The following PTPRD variants were observed in gnomAD, a reference collection of about 807,000 sequenced individuals.
The protein encoded by PTPRD is protein tyrosine phosphatase receptor type D.
A neutral mutation model predicts 214.5 loss-of-function variants in PTPRD; 34 were observed. The ratio of observed to expected loss-of-function variants is 0.16; its 90% CI spans 0.12 to 0.21. The LOEUF (loss-of-function observed/expected upper bound fraction) is 0.21, where lower values mean the gene tolerates loss of function less well. Ranked by LOEUF, PTPRD falls within the 10% of genes least tolerant of loss-of-function variation. The pLI is 1.00. For synonymous variants in PTPRD, 1,128 were observed against 845.7 expected, an observed-to-expected ratio of 1.33 and a Z score of -5.79; for missense variants, 2,545 against 2,398.7, an observed-to-expected ratio of 1.06 and a Z score of -1.27.
chr9:8,581,402 G>C (rs9299067), intron 14 of PTPRD, among the ~76,000 whole-genome samples: 7,831 of 152,228 alleles, frequency 0.051, 679 homozygotes, highest in African/African-American at 0.18. Context: ...CTTCCAGTGA[G>C]TCTGATCACA....
chr9:8,452,947 A>C (rs1204742430), intron 33 of PTPRD, among the ~76,000 whole-genome samples: 2 of 152,234 alleles, frequency 1.3e-5, no homozygotes, highest in Non-Finnish European at 2.9e-5. Context: ...TATTAGAAAT[A>C]TCTACCATCA....
intron 14 of PTPRD, among the ~76,000 whole-genome samples, chr9:8,626,895 A>G (rs1315300558): frequency 6.6e-6 from 1 of 151,710 alleles, no homozygotes. Flanking sequence ...TGTTAAAATA[A>G]GGCTCTTCCT....
At chr9:10,485,494 A>G (rs1294461793) in intron 2 of PTPRD, among the ~76,000 whole-genome samples, 1 of 152,128 alleles carries the variant, frequency 6.6e-6, no homozygotes, top group Non-Finnish European at 1.5e-5. Context: ...ATCCATGAAC[A>G]TGGAGTATCT....
chr9:8,429,375 G>T (rs2132067200), intron 35 of PTPRD, among the ~76,000 whole-genome samples: 1 of 152,232 alleles, frequency 6.6e-6, no homozygotes, highest in East Asian at 1.9e-4. Context: ...ATGGGAGAGT[G>T]AAACCACATG....
intron 14 of PTPRD, among the ~76,000 whole-genome samples, chr9:8,550,269 T>G (rs1384094432): frequency 6.6e-6 from 1 of 152,166 alleles, no homozygotes; most frequent in African/African-American, 2.4e-5. Flanking sequence ...ATACCTTACA[T>G]GTATATGGTA....
chr9:9,535,463 A>G (rs897736360), intron 8 of PTPRD, among the ~76,000 whole-genome samples: 19 of 152,240 alleles, frequency 1.2e-4, no homozygotes, highest in African/African-American at 4.3e-4. Context: ...TGAAAAAACA[A>G]ATGTCCAGTG....
intron 7 of PTPRD, among the ~76,000 whole-genome samples, chr9:9,714,790 A>G (rs910673772): frequency 5.9e-5 from 9 of 152,284 alleles, no homozygotes; most frequent in Admixed American, 1.3e-4. Context: ...CAAGGCAGCA[A>G]TGTTCCTTCT....
intron 39 of PTPRD, among the ~76,000 whole-genome samples, chr9:8,375,144 T>C (rs2082835993): frequency 1.3e-5 from 2 of 151,982 alleles, no homozygotes; most frequent in African/African-American, 2.4e-5. Context: ...GCACTATACA[T>C]TTATATAGTA....
chr9:9,035,344 A>G (rs2099618160), intron 10 of PTPRD, among the ~76,000 whole-genome samples: 1 of 152,046 alleles, frequency 6.6e-6, no homozygotes, highest in Non-Finnish European at 1.5e-5. Context: ...TTTGAAATGT[A>G]TCTTTCTAGA....
intron 2 of PTPRD, among the ~76,000 whole-genome samples, chr9:10,415,233 T>C (rs2098475996): frequency 6.6e-6 from 1 of 151,828 alleles, no homozygotes; most frequent in Admixed American, 6.6e-5. Context: ...TGAGATTATA[T>C]ACATAATATA....
chr9:8,863,071 AT>A (rs201005073), intron 11 of PTPRD, among the ~76,000 whole-genome samples: 6,330 of 152,230 alleles, frequency 0.042, 319 homozygotes, highest in African/African-American at 0.11. Context: ...TATAATAATA[AT>A]AAAAAAAAGA....
In PTPRD at chr9:9,606,421, T is replaced by C. The variant is rs138375313; in HGVS notation, c.-286-31640A>G. ...TAAAATCTGGTGTTTTTTTGTTAAC[T>C]ATAATTAGCTTTCAGGTATTTACTC... is the stretch of plus-strand genomic sequence containing the variant. On this transcript the variant is annotated intron_variant, in intron 7 of 45. Transcript: ENST00000381196. 1.6e-4 allele frequency among the ~76,000 whole-genome samples: 24 copies of C among 152,230 alleles called. No individual in the cohort carries two copies. In the East Asian group the frequency reaches 3.9e-3, roughly 25 times the overall value.
At chr9:8,607,236 T>C (rs779308407) in intron 14 of PTPRD, among the ~76,000 whole-genome samples, 46 of 152,250 alleles carry the variant, frequency 3.0e-4, no homozygotes, top group Non-Finnish European at 6.2e-4. Flanking sequence ...TAGCTAGGTT[T>C]AGTCATTCCA....
intron 14 of PTPRD, among the ~76,000 whole-genome samples, chr9:8,542,137 T>C (rs1454985230): frequency 6.6e-6 from 1 of 152,126 alleles, no homozygotes; most frequent in African/African-American, 2.4e-5. Context: ...CATAAAGGAT[T>C]GCGATCTTTT....
chr9:9,216,467 C>A (rs1410550065), intron 9 of PTPRD, among the ~76,000 whole-genome samples: 3 of 152,244 alleles, frequency 2.0e-5, no homozygotes, highest in South Asian at 2.1e-4. Context: ...GTTGAGCCAC[C>A]CTTCTATATG....
chr9:9,980,400 G>A lies in PTPRD; in HGVS notation c.-471-41790C>T, dbSNP rs533429846. On this transcript the variant is annotated intron_variant, in intron 4 of 45. Coordinates refer to ENST00000381196, the MANE Select transcript of PTPRD (RefSeq NM_002839.4). ...AGGTGGGCGGATCACCTGAGGTCAG[G>A]AGTTCAAGACCATCCTGGCCAACTT... Among the ~76,000 whole-genome samples, 16 of 151,848 alleles carry A rather than the reference G, an allele frequency of 1.1e-4. No individual in the cohort carries two copies. The South Asian group carries it at 3.3e-3, about 32-fold the overall frequency.
rs866676227 is a variant in PTPRD at position 9,933,543 on chromosome 9, A to G, written c.-368+4964T>C. Reference sequence around the variant, plus strand: ...GAAGAGCTAACTATCCTAAATATATATACACCCAACACAGGAGCACCCAGA... The same window carrying G: ...GAAGAGCTAACTATCCTAAATATATGTACACCCAACACAGGAGCACCCAGA... On this transcript the variant is annotated intron_variant, in intron 5 of 45. Transcript: ENST00000381196. 1.8e-4 allele frequency among the ~76,000 whole-genome samples: 27 copies of G among 151,866 alleles called. 1 individual carries two copies. The highest frequency in any genetic ancestry group is 6.3e-4 in the African/African-American group (26 of 41,056).
At chr9:8,697,485 T>A (rs1301389127) in intron 12 of PTPRD, among the ~76,000 whole-genome samples, 1 of 148,018 alleles carries the variant, frequency 6.8e-6, no homozygotes, top group Non-Finnish European at 1.5e-5. Flanking sequence ...TGCAGTGGTG[T>A]GATCTTGGCT....
chr9:10,477,470 G>C (rs1312505081), intron 2 of PTPRD, among the ~76,000 whole-genome samples: 1 of 152,132 alleles, frequency 6.6e-6, no homozygotes, highest in African/African-American at 2.4e-5. Flanking sequence ...TCATTAAAAA[G>C]TCAGGAAACA....
Sources: gnomAD v4.1 joint callset for allele counts (sites outside exome capture counted in the v4.1 genomes callset) on GRCh38, gnomAD v4.1.1 for gene constraint, MANE v1.5 for transcripts, NCBI Gene and HGNC (gene_info 2026-07-23, HGNC 2026-07-21) for gene names.